The following SELPLG variants were observed in gnomAD, a reference collection of about 807,000 sequenced individuals.
SELPLG encodes selectin P ligand.
A neutral mutation model predicts 1.1 loss-of-function variants in SELPLG; 2 were observed. The observed-to-expected ratio is 1.82, with a 90% confidence interval of 0.74 to 5.71. SELPLG has a LOEUF of 5.71. Among genes scored for constraint, SELPLG ranks in the 30% most tolerant of loss-of-function variants. SELPLG has a pLI of 0.05. For synonymous variants in SELPLG, 230 were observed against 221.2 expected (o/e 1.04, Z -0.35); for missense variants, 478 against 524.7 (o/e 0.91, Z 0.87).
intron 1 of SELPLG, among the ~76,000 whole-genome samples, chr12:108,630,265 T>C (rs1309937689): frequency 2.6e-5 from 4 of 152,150 alleles, no homozygotes; most frequent in Non-Finnish European, 4.4e-5. Context: ...ATCTAGGCTG[T>C]GTGGAGGAGC....
chr12:108,633,115 G>A (rs1394685260), intron 1 of SELPLG, among the ~76,000 whole-genome samples: 3 of 152,140 alleles, frequency 2.0e-5, no homozygotes, highest in Non-Finnish European at 4.4e-5. Flanking sequence ...GAGAGGATAA[G>A]ATCATTTCTA....
Position 108,623,545 on chromosome 12 carries a change from G to T in SELPLG, c.763C>A (p.Pro255Thr), listed in dbSNP as rs114238290. The T allele has an allele frequency of 3.2e-4, 524 of 1,614,114 alleles. 2 individuals are homozygous for T. The African/African-American group carries it at 5.9e-3, about 18-fold the overall frequency. ...QPTATEAQTT[P>T]LAAMEALSTE... is the part of the protein sequence containing the mutation. ...GACAGGGCCTCCATGGCTGCCAGTG[G>T]AGTGGTCTGTGCCTCCGTGGCTGTG... Residue 255 changes from proline (P) to threonine (T), a missense_variant, in exon 2 of 2, where the codon CCA (proline) becomes ACA (threonine). Physicochemically the swap from Pro to Thr is conservative, Grantham distance 38 (BLOSUM62 -1). Coordinates refer to ENST00000550948, the MANE Select transcript of SELPLG (RefSeq NM_003006.4).
At chr12:108,632,125 A>C in intron 1 of SELPLG, 1 of 584,524 alleles carries the variant, frequency 1.7e-6, no homozygotes. Context: ...CAGCCTAGCA[A>C]CCCAGCCCTT....
chr12:108,632,537 C>T (rs1488874852), intron 1 of SELPLG, among the ~76,000 whole-genome samples: 1 of 150,176 alleles, frequency 6.7e-6, no homozygotes, highest in Non-Finnish European at 1.5e-5. Flanking sequence ...TTTTTTGAGA[C>T]AGGGTCTCAC....
At position 108,623,173 on chromosome 12, in the gene SELPLG, T is replaced by C; in HGVS notation, c.1135A>G (p.Thr379Ala). 11 of 1,613,180 alleles carry C rather than the reference T, an allele frequency of 6.8e-6. No homozygotes were observed. Among genetic ancestry groups the C allele is most frequent in the Non-Finnish European group, 9.3e-6 (11 of 1,179,720 alleles). Residue 379 changes from threonine (T) to alanine (A), a missense_variant, in exon 2 of 2, where the codon ACA (threonine) becomes GCA (alanine). Thr to Ala is a moderately conservative substitution (Grantham distance 58, BLOSUM62 0). Coordinates refer to ENST00000550948, the MANE Select transcript of SELPLG (RefSeq NM_003006.4). ...LPDGGEGPSA[T>A]ANGGLSKAKS... is the part of the protein sequence containing the mutation. ...GCCTTGGACAGGCCCCCATTGGCTG[T>C]GGCAGAGGGCCCCTCACCCCCATCA...
intron 1 of SELPLG, among the ~76,000 whole-genome samples, chr12:108,633,279 A>G (rs536284070): frequency 6.6e-6 from 1 of 152,216 alleles, no homozygotes; most frequent in East Asian, 1.9e-4. Context: ...CCAACGCAAG[A>G]GGCTTGAGGC....
chr12:108,633,127 G>A (rs1038931262), intron 1 of SELPLG, among the ~76,000 whole-genome samples: 2 of 152,056 alleles, frequency 1.3e-5, no homozygotes, highest in African/African-American at 4.8e-5. Flanking sequence ...TCATTTCTAG[G>A]GAAACACTCA....
At chr12:108,624,686 C>T (rs1263032673) in intron 1 of SELPLG, among the ~76,000 whole-genome samples, 1 of 143,002 alleles carries the variant, frequency 7.0e-6, no homozygotes, top group Non-Finnish European at 1.5e-5. Context: ...CATGTCACTC[C>T]TTTTTTCTTT....
chr12:108,624,561 T>C (rs1372049402), intron 1 of SELPLG, among the ~76,000 whole-genome samples: 3 of 152,158 alleles, frequency 2.0e-5, no homozygotes, highest in African/African-American at 7.2e-5. Flanking sequence ...AGATGGTGCA[T>C]AGAAATTGAT....
intron 1 of SELPLG, chr12:108,631,783 TGTCTTTAAACAGTTTTCTA>T: frequency 9.3e-7 from 1 of 1,078,904 alleles, no homozygotes; most frequent in Non-Finnish European, 1.4e-6. Flanking sequence ...GTTGAACAAC[TGTCTTTAAACAGTTTTCTA>T]AACACCCCTG....
At position 108,623,364 on chromosome 12, in the gene SELPLG, A is replaced by C. The variant is rs780319681; in HGVS notation, c.944T>G (p.Ile315Ser). The part of the protein sequence containing the change: ...VNYPVGAPDH[I>S]SVKQCLLAIL... ...GGCCAGCAGGCACTGCTTCACAGAGATGTGGTCTGGGGCCCCCACTGGGTA... is the reference window on the plus strand; with the variant it reads ...GGCCAGCAGGCACTGCTTCACAGAGCTGTGGTCTGGGGCCCCCACTGGGTA... Residue 315 changes from isoleucine (I) to serine (S), a missense_variant, in exon 2 of 2, where the codon ATC becomes AGC. Physicochemically the swap from Ile to Ser is moderately radical, Grantham distance 142. Coordinates refer to ENST00000550948, the MANE Select transcript of SELPLG (RefSeq NM_003006.4). 6.2e-7 allele frequency: 1 copy of C among 1,614,202 alleles called. No individual in the cohort carries two copies. Among genetic ancestry groups the C allele is most frequent in the Non-Finnish European group, 8.5e-7 (1 of 1,180,038 alleles).
At chr12:108,624,683 C>A (rs1248298796) in intron 1 of SELPLG, among the ~76,000 whole-genome samples, 1 of 147,950 alleles carries the variant, frequency 6.8e-6, no homozygotes, top group Non-Finnish European at 1.5e-5. Context: ...TTTCATGTCA[C>A]TCCTTTTTTC....
At position 108,624,250 on chromosome 12, in the gene SELPLG, G is replaced by A. The variant is rs1220883297; in HGVS notation, c.58C>T (p.Leu20=). 1 of 1,614,232 alleles carries A rather than the reference G, an allele frequency of 6.2e-7. No homozygotes were observed. Among genetic ancestry groups the A allele is most frequent in the Admixed American group, 1.7e-5 (1 of 60,026 alleles). ...ILLGPGNSLQ[L]WDTWADEAEK... ...GCTTCATCTGCCCAGGTGTCCCACA[G>A]CTGCAAGCTGTTGCCAGGGCCCAGT... Residue 20 remains leucine, a synonymous_variant, in exon 2 of 2, where the codon CTG becomes TTG. Transcript: ENST00000550948.
chr12:108,626,130 T>C (rs1264830974), intron 1 of SELPLG, among the ~76,000 whole-genome samples: 1 of 93,538 alleles, frequency 1.1e-5, no homozygotes, highest in Non-Finnish European at 2.3e-5. Flanking sequence ...TTTCTTTTCT[T>C]TTTTTTTTTT....
At chr12:108,627,101 T>C (rs1046948706) in intron 1 of SELPLG, among the ~76,000 whole-genome samples, 1 of 151,786 alleles carries the variant, frequency 6.6e-6, no homozygotes, top group Non-Finnish European at 1.5e-5. Context: ...CAAAACTCTG[T>C]CTAAAAAATA....
At position 108,633,852 on chromosome 12, in the gene SELPLG, C is replaced by G. The variant is rs1347286600; in HGVS notation, c.-118G>C. The G allele has an allele frequency of 6.6e-6, 1 of 152,358 alleles. No homozygotes were observed. The highest frequency in any genetic ancestry group is 1.5e-5 in the Non-Finnish European group (1 of 68,144). The allele number at this position is 152,358 out of a possible 1,614,324, so 9.4% of individuals were successfully genotyped here. ...CTGCCAGGCACTGCTGTGGCACCCC[C>G]TGCGGCAGTCCCGGATCCGAGCAAC... is the stretch of plus-strand genomic sequence containing the variant. On this transcript the variant is annotated 5_prime_UTR_variant, in exon 1 of 2. Transcript: ENST00000550948.
At chr12:108,626,082 A>G (rs1021430656) in intron 1 of SELPLG, among the ~76,000 whole-genome samples, 1 of 150,190 alleles carries the variant, frequency 6.7e-6, no homozygotes, top group Non-Finnish European at 1.5e-5. Context: ...GCCAGGTTCA[A>G]TCTGATCTCT....
Position 108,623,744 on chromosome 12 carries a change from G to A in SELPLG, c.564C>T (p.Gly188=). ...CTGGTGCAGTGGTCTGTGCCTCCAG[G>A]CCTGTGGGTTGAGTGGTCTGTGCTT... The part of the protein sequence containing the change: ...ATEAQTTQPT[G]LEAQTTAPAA... The change falls in exon 2 of 2, where the codon GGC becomes GGT. Residue 188 remains glycine (G), a synonymous_variant. Transcript: ENST00000550948. 6.2e-7 allele frequency: 1 copy of A among 1,607,714 alleles called. No homozygotes were observed. The highest frequency in any genetic ancestry group is 8.5e-7 in the Non-Finnish European group (1 of 1,177,826).
chr12:108,624,440 T>C, intron 1 of SELPLG, 128 bp from the exon 2 acceptor site: 1 of 792,910 alleles, frequency 1.3e-6, no homozygotes, highest in East Asian at 2.7e-5. Flanking sequence ...GACTGGGGAC[T>C]TAGGCATCCC....
Sources: gnomAD v4.1 joint callset for allele counts (sites outside exome capture counted in the v4.1 genomes callset) on GRCh38, gnomAD v4.1.1 for gene constraint, MANE v1.5 for transcripts, NCBI Gene and HGNC (gene_info 2026-07-23, HGNC 2026-07-21) for gene names.